The following DNASE1 variants were observed in gnomAD, a reference collection of about 807,000 sequenced individuals.
DNASE1 encodes the protein deoxyribonuclease 1, also known as deoxyribonuclease-1.
In DNASE1, 40 loss-of-function variants were observed where a neutral mutation model predicts 33.9. That is an observed-to-expected ratio of 1.18 (90% CI 0.92 to 1.54). The LOEUF (loss-of-function observed/expected upper bound fraction) is 1.54, where lower values mean the gene tolerates loss of function less well. DNASE1 is among the 40% of genes most tolerant of loss of function. The probability of loss-of-function intolerance (pLI) is 0.00; values close to 1 mark genes in which losing one functional copy is unlikely to be tolerated. For missense variants in DNASE1, 518 were observed against 372.6 expected, an observed-to-expected ratio of 1.39 and a Z score of -3.21; for synonymous variants, 216 against 160.0, an observed-to-expected ratio of 1.35 and a Z score of -2.64.
At chr16:3,635,678 T>G (rs1567195078) in intron 1 of DNASE1, among the ~76,000 whole-genome samples, 1 of 151,900 alleles carries the variant, frequency 6.6e-6, no homozygotes, top group Non-Finnish European at 1.5e-5. Flanking sequence ...AAGGGTAATT[T>G]TACTGGATAC....
chr16:3,662,154 G>C (rs769655554), downstream of DNASE1: 14 of 1,596,012 alleles, frequency 8.8e-6, no homozygotes, highest in East Asian at 2.7e-4. Flanking sequence ...GCCCGGGGTT[G>C]AGGGTGATAG....
chr16:3,623,541 A>T (rs1211272003), intron 1 of DNASE1, among the ~76,000 whole-genome samples: 1 of 152,208 alleles, frequency 6.6e-6, no homozygotes, highest in African/African-American at 2.4e-5. Flanking sequence ...TAAATAGACA[A>T]CCTATAGAAT....
intron 1 of DNASE1, 140 bp from the exon 2 acceptor site, chr16:3,655,233 T>G (rs945481674): frequency 1.1e-5 from 13 of 1,200,782 alleles, no homozygotes; most frequent in Non-Finnish European, 1.4e-5. Context: ...CTGGACGTTG[T>G]AGGAAAGGGT....
upstream of DNASE1, chr16:3,653,152 A>C (rs1054205585): frequency 6.6e-6 from 1 of 150,534 alleles, no homozygotes; most frequent in African/African-American, 2.5e-5. Context: ...ACAGATCTTA[A>C]GAAGAAGAGG....
At chr16:3,664,162 T>C in exon 10 of DNASE1, 1 of 1,188,552 alleles carries the variant, frequency 8.4e-7, no homozygotes, top group Non-Finnish European at 1.1e-6. Flanking sequence ...CCTGACCCAC[T>C]GTGCAGCCCT....
chr16:3,630,211 C>G (rs2151176142), intron 1 of DNASE1, among the ~76,000 whole-genome samples: 1 of 152,136 alleles, frequency 6.6e-6, no homozygotes, highest in Admixed American at 6.6e-5. Flanking sequence ...GACGGGGTCT[C>G]ACTTTGTTAC....
intron 1 of DNASE1, among the ~76,000 whole-genome samples, chr16:3,644,687 A>C (rs1395218041): frequency 2.0e-5 from 3 of 152,106 alleles, no homozygotes; most frequent in African/African-American, 7.2e-5. Context: ...GTGAGCTATG[A>C]ATGTGCCACT....
intron 4 of DNASE1, 48 bp downstream of exon 4, chr16:3,656,233 C>A: frequency 6.4e-7 from 1 of 1,569,392 alleles, no homozygotes; most frequent in Non-Finnish European, 8.8e-7. Flanking sequence ...CTGGGAGGGC[C>A]CCAACAGAGC....
At chr16:3,658,776 T>G (rs529256747), downstream of DNASE1, 1 of 1,611,566 alleles carries the variant, frequency 6.2e-7, no homozygotes, top group Non-Finnish European at 8.5e-7. Context: ...GCAGTCATCC[T>G]AAGCTGCTGC....
chr16:3,645,467 G>A (rs1205387370), intron 1 of DNASE1, among the ~76,000 whole-genome samples: 1 of 152,212 alleles, frequency 6.6e-6, no homozygotes, highest in African/African-American at 2.4e-5. Flanking sequence ...TCAGGCTGCG[G>A]GTGTGCTAAC....
At chr16:3,659,665 G>T (rs533211300), downstream of DNASE1, 1 of 152,106 alleles carries the variant, frequency 6.6e-6, no homozygotes, top group African/African-American at 2.4e-5. Context: ...GAGGACAACT[G>T]GAGTCGGGAA....
intron 7 of DNASE1, 91 bp from the exon 8 acceptor site, chr16:3,657,629 G>T: frequency 6.5e-7 from 1 of 1,548,510 alleles, no homozygotes; most frequent in Admixed American, 1.8e-5. Flanking sequence ...TGCACTGGCA[G>T]GTCCCAGGGC....
At chr16:3,625,365 T>G (rs1214962507) in intron 1 of DNASE1, among the ~76,000 whole-genome samples, 1 of 151,750 alleles carries the variant, frequency 6.6e-6, no homozygotes, top group African/African-American at 2.4e-5. Flanking sequence ...ATTCTTGTAG[T>G]CTCTGAAACT....
chr16:3,656,796 A>T (rs1426291832), intron 5 of DNASE1, 43 bp downstream of exon 5: 2 of 1,563,110 alleles, frequency 1.3e-6, no homozygotes, highest in Non-Finnish European at 8.7e-7. Context: ...CTTGGCGCTT[A>T]TGGCCTCCAC....
chr16:3,638,958 A>G (rs9924396), upstream of DNASE1, among the ~76,000 whole-genome samples: 1,905 of 152,236 alleles, frequency 0.013, 40 homozygotes, highest in African/African-American at 0.043. Flanking sequence ...GGATCTTTCT[A>G]TATCTTCCGT....
chr16:3,649,684 A>G (rs960542290), intron 1 of DNASE1, among the ~76,000 whole-genome samples: 33 of 152,352 alleles, frequency 2.2e-4, no homozygotes, highest in South Asian at 2.1e-4. Flanking sequence ...TTTTAATAGT[A>G]AGCCAAAAGA....
intron 1 of DNASE1, among the ~76,000 whole-genome samples, chr16:3,624,267 T>A (rs1190967625): frequency 1.6e-4 from 22 of 140,612 alleles, no homozygotes; most frequent in Non-Finnish European, 3.0e-4. Context: ...AGACTCTGTC[T>A]CAAAAAAAAA....
intron 1 of DNASE1, among the ~76,000 whole-genome samples, chr16:3,627,453 T>G (rs1004629704): frequency 2.0e-5 from 3 of 151,966 alleles, no homozygotes; most frequent in Non-Finnish European, 4.4e-5. Flanking sequence ...ATTTTTTATT[T>G]TTTTATAGAG....
intron 1 of DNASE1, among the ~76,000 whole-genome samples, chr16:3,634,522 C>G (rs538450025): frequency 6.6e-6 from 1 of 152,170 alleles, no homozygotes; most frequent in South Asian, 2.1e-4. Flanking sequence ...GCCACTGTGC[C>G]TGGCCGAGAC....
Sources: allele counts gnomAD v4.1 joint callset (sites outside exome capture counted in the v4.1 genomes callset), GRCh38; gene constraint gnomAD v4.1.1; transcripts MANE v1.5; gene names NCBI Gene and HGNC (gene_info 2026-07-23, HGNC 2026-07-21).